The following ANO5 variants were observed in gnomAD, a reference collection of about 807,000 sequenced individuals.
ANO5 encodes the protein anoctamin 5, also known as anoctamin-5.
ANO5 carries 109 observed loss-of-function variants against 121.0 expected under a neutral mutation model. The ratio of observed to expected loss-of-function variants is 0.90; its 90% CI spans 0.77 to 1.06. The LOEUF (loss-of-function observed/expected upper bound fraction) is 1.06. Among genes scored for constraint, ANO5 ranks in the 50% least tolerant of loss-of-function variants. The probability of loss-of-function intolerance (pLI) is 0.00; values close to 1 mark genes in which losing one functional copy is unlikely to be tolerated. For synonymous variants in ANO5, 406 were observed against 359.9 expected, an observed-to-expected ratio of 1.13 and a Z score of -1.45; for missense variants, 1,064 against 1,078.5, an observed-to-expected ratio of 0.99 and a Z score of 0.19.
chr11:22,276,194 A>T lies in ANO5; in HGVS notation c.2515A>T (p.Met839Leu), dbSNP rs1301118954. Reference protein sequence around the residue: ...LAAKMTFIIVMEHVVFLVKFL... With the variant: ...LAAKMTFIIVLEHVVFLVKFL... ...TGCCAAGATGACCTTCATCATTGTT[A>T]TGGAAGTAAGCTGTTCTTAACTTTC... Residue 839 changes from methionine to leucine, a missense_variant, in exon 21 of 22, where the codon ATG becomes TTG. By Grantham distance (15) the Met-to-Leu change is conservative (BLOSUM62 2). Transcript: ENST00000324559. 6.2e-7 allele frequency: 1 copy of T among 1,606,414 alleles called. No individual in the cohort carries two copies.
chr11:22,200,225 A>T (rs1288834529), intron 1 of ANO5, among the ~76,000 whole-genome samples: 2 of 152,172 alleles, frequency 1.3e-5, no homozygotes, highest in Non-Finnish European at 2.9e-5. Flanking sequence ...TGTCATTGGC[A>T]ATAAATACTG....
chr11:22,273,006 C>A lies in ANO5; in HGVS notation c.2235+17C>A. On this transcript the variant is annotated intron_variant, in intron 19 of 21. Coordinates refer to ENST00000324559, the MANE Select transcript of ANO5 (RefSeq NM_213599.3). ...GCAACTAATGTAAGTGGACCTATTT[C>A]GGTGGGGTGACTTTGTATTTCATTT... is the stretch of plus-strand genomic sequence containing the variant. 6.2e-7 allele frequency: 1 copy of A among 1,608,348 alleles called. No individual in the cohort carries two copies. Among genetic ancestry groups the A allele is most frequent in the Non-Finnish European group, 8.5e-7 (1 of 1,175,082 alleles).
At chr11:22,218,311 T>C (rs1453054177) in intron 4 of ANO5, 24 bp downstream of exon 4, 5 of 1,612,938 alleles carry the variant, frequency 3.1e-6, no homozygotes, top group East Asian at 4.5e-5. Flanking sequence ...TGAATGATGC[T>C]GCTTATGCTC....
intron 21 of ANO5, among the ~76,000 whole-genome samples, chr11:22,277,530 G>A (rs1854909282): frequency 6.6e-6 from 1 of 151,384 alleles, no homozygotes; most frequent in African/African-American, 2.4e-5. Context: ...AAATACAATA[G>A]TCAGGGTTTA....
At chr11:22,214,632 C>T (rs1024607769) in intron 3 of ANO5, among the ~76,000 whole-genome samples, 1 of 151,864 alleles carries the variant, frequency 6.6e-6, no homozygotes, top group Non-Finnish European at 1.5e-5. Flanking sequence ...TCAAGAGGCT[C>T]AATGATCTTT....
chr11:22,273,034 G>C (rs753678970), intron 19 of ANO5, 45 bp downstream of exon 19: 2 of 1,549,026 alleles, frequency 1.3e-6, no homozygotes, highest in Non-Finnish European at 1.8e-6. Context: ...TTTCATTTTG[G>C]GGGGTGTGGG....
intron 17 of ANO5, among the ~76,000 whole-genome samples, chr11:22,268,047 T>C (rs1854435990): frequency 6.6e-6 from 1 of 152,324 alleles, no homozygotes; most frequent in Admixed American, 6.5e-5. Context: ...TCTTTGCTAT[T>C]GTGAATACAG....
chr11:22,279,605 T>C lies in ANO5; in HGVS notation c.2582T>C (p.Val861Ala). ...ATGATACCTGATGTTCCAAAAGATG[T>C]TGTGGAGAGAATCAAGAGAGAAAAG... is the stretch of plus-strand genomic sequence containing the variant. Reference protein sequence around the residue: ...AWMIPDVPKDVVERIKREKLM... With the variant: ...AWMIPDVPKDAVERIKREKLM... The change falls in exon 22 of 22, where the codon GTT becomes GCT. Residue 861 changes from valine to alanine, a missense_variant. Coordinates refer to ENST00000324559, the MANE Select transcript of ANO5 (RefSeq NM_213599.3). The C allele has an allele frequency of 6.2e-7, 1 of 1,613,044 alleles. No individual in the cohort carries two copies. The highest frequency in any genetic ancestry group is 8.5e-7 in the Non-Finnish European group (1 of 1,179,214).
intron 3 of ANO5, among the ~76,000 whole-genome samples, chr11:22,217,230 C>T (rs1852474252): frequency 6.6e-6 from 1 of 151,944 alleles, no homozygotes; most frequent in South Asian, 2.1e-4. Flanking sequence ...TTTATCCATG[C>T]ATTACACTAT....
chr11:22,262,333 T>G, intron 16 of ANO5, 35 bp downstream of exon 16: 1 of 1,602,704 alleles, frequency 6.2e-7, no homozygotes, highest in Non-Finnish European at 8.5e-7. Context: ...GTGTGTAGCT[T>G]CAATACCTCA....
chr11:22,203,549 A>G (rs1396357732), intron 1 of ANO5, among the ~76,000 whole-genome samples: 1 of 152,152 alleles, frequency 6.6e-6, no homozygotes, highest in Admixed American at 6.6e-5. Flanking sequence ...AGTTAAGTTT[A>G]TTTCTCAGTA....
chr11:22,275,814 A>G (rs1854819137), intron 20 of ANO5, among the ~76,000 whole-genome samples: 1 of 151,840 alleles, frequency 6.6e-6, no homozygotes, highest in African/African-American at 2.4e-5. Context: ...TGGAAGCAGC[A>G]AATTTTGAAT....
chr11:22,213,017 T>G (rs1852330443), intron 3 of ANO5, among the ~76,000 whole-genome samples: 1 of 151,380 alleles, frequency 6.6e-6, no homozygotes, highest in South Asian at 2.1e-4. Flanking sequence ...AAACAGTAAG[T>G]TGTTAAACAG....
intron 9 of ANO5, among the ~76,000 whole-genome samples, chr11:22,249,950 A>T (rs1853745814): frequency 6.6e-6 from 1 of 152,154 alleles, no homozygotes. Flanking sequence ...AAATTATCTT[A>T]TTTAAATTTT....
At position 22,213,693 on chromosome 11, in the gene ANO5, A is replaced by G. The variant is rs184769490; in HGVS notation, c.138+2379A>G. Among the ~76,000 whole-genome samples the G allele has an allele frequency of 1.1e-3, 161 of 151,586 alleles. 3 individuals carry two copies. Among genetic ancestry groups the G allele is most frequent in the Non-Finnish European group, 2.4e-4 (16 of 67,836 alleles). On this transcript the variant is annotated intron_variant, in intron 3 of 21. Transcript: ENST00000324559. ...CACTATTTGCAGCCTACACAAAAGG[A>G]TTGGGATTATGCTCTCCCTCCTTAT...
At chr11:22,238,243 C>T (rs1450563827) in intron 8 of ANO5, among the ~76,000 whole-genome samples, 1 of 149,282 alleles carries the variant, frequency 6.7e-6, no homozygotes, top group Non-Finnish European at 1.5e-5. Context: ...CTTTGCATTG[C>T]ATTCTGTCCA....
At position 22,254,452 on chromosome 11, in the gene ANO5, T is replaced by C. The variant is rs540701129; in HGVS notation, c.1181-919T>C. 1.1e-4 allele frequency among the ~76,000 whole-genome samples: 17 copies of C among 152,282 alleles called. 1 individual carries two copies. The South Asian group carries it at 3.3e-3, about 30-fold the overall frequency. On this transcript the variant is annotated intron_variant, in intron 12 of 21. Transcript: ENST00000324559. ...ATGTTCACAGCAGCACTATGTGTAA[T>C]AGCAGGTATCTGGAAACAACTCAAA...
At chr11:22,211,243 A>T in intron 2 of ANO5, 21 bp from the exon 3 acceptor site, 1 of 1,610,958 alleles carries the variant, frequency 6.2e-7, no homozygotes, top group Non-Finnish European at 8.5e-7. Context: ...ATAGCATTAT[A>T]TCTTCCCCTG....
intron 1 of ANO5, among the ~76,000 whole-genome samples, chr11:22,197,327 A>G (rs943947112): frequency 4.7e-5 from 7 of 149,978 alleles, no homozygotes; most frequent in Non-Finnish European, 8.9e-5. Flanking sequence ...ATTGCCAGTA[A>G]AATGTCATTG....
Sources: allele counts gnomAD v4.1 joint callset (sites outside exome capture counted in the v4.1 genomes callset), GRCh38; gene constraint gnomAD v4.1.1; transcripts MANE v1.5; gene names NCBI Gene and HGNC (gene_info 2026-07-23, HGNC 2026-07-21).